Variants in AFG1L observed in about 807,000 individuals in gnomAD.
AFG1L encodes the protein AFG1-like ATPase.
AFG1L carries 53 observed loss-of-function variants against 62.2 expected under a neutral mutation model. That is an observed-to-expected ratio of 0.85 (90% CI 0.68 to 1.07). AFG1L has a LOEUF of 1.07. AFG1L is among the 50% of genes least tolerant of loss of function. The probability of loss-of-function intolerance (pLI) is 0.00; values close to 1 mark genes in which losing one functional copy is unlikely to be tolerated. For synonymous variants in AFG1L, 228 were observed against 210.3 expected (o/e 1.08, Z -0.73); for missense variants, 555 against 590.5 (o/e 0.94, Z 0.62).
intron 7 of AFG1L, among the ~76,000 whole-genome samples, chr6:108,415,941 A>C (rs977726779): frequency 1.6e-4 from 24 of 152,242 alleles, no homozygotes; most frequent in Non-Finnish European, 2.8e-4. Context: ...AAACTTAAAG[A>C]GCTTCTGCAC....
intron 2 of AFG1L, among the ~76,000 whole-genome samples, chr6:108,340,827 G>T (rs977090006): frequency 3.9e-5 from 6 of 152,176 alleles, no homozygotes; most frequent in Non-Finnish European, 8.8e-5. Context: ...AGGAATGGAT[G>T]GGTGCAGACG....
chr6:108,306,975 A>AT (rs1777221655), intron 1 of AFG1L, among the ~76,000 whole-genome samples: 2 of 150,924 alleles, frequency 1.3e-5, no homozygotes, highest in South Asian at 2.1e-4. Context: ...TTGATTTATT[A>AT]TTTTTTCTGT....
At chr6:108,340,320 T>C (rs1778633293) in intron 2 of AFG1L, among the ~76,000 whole-genome samples, 2 of 151,794 alleles carry the variant, frequency 1.3e-5, no homozygotes, top group African/African-American at 4.8e-5. Flanking sequence ...TTATTTGCTG[T>C]TTTTCCTTCC....
intron 1 of AFG1L, among the ~76,000 whole-genome samples, chr6:108,317,464 T>A (rs931734236): frequency 4.6e-5 from 7 of 152,098 alleles, no homozygotes; most frequent in Non-Finnish European, 1.0e-4. Flanking sequence ...GAGTCATGAG[T>A]CCAGGTGGGG....
intron 7 of AFG1L, among the ~76,000 whole-genome samples, chr6:108,408,615 G>T (rs1034630330): frequency 1.3e-5 from 2 of 152,120 alleles, no homozygotes; most frequent in African/African-American, 2.4e-5. Flanking sequence ...CAGCTTGCTT[G>T]CCTGATTTTT....
intron 2 of AFG1L, chr6:108,344,839 A>T (rs1399894156): frequency 2.1e-6 from 1 of 470,158 alleles, no homozygotes; most frequent in African/African-American, 2.0e-5. Context: ...CAAGATGGTT[A>T]TTTGGGTTGA....
Position 108,446,051 on chromosome 6 carries a change from TACACACACACACACACACACAC to T in AFG1L, c.808-1132_808-1111del, listed in dbSNP as rs67384163. Among the ~76,000 whole-genome samples the T allele has an allele frequency of 9.6e-3, 1,369 of 141,876 alleles. 12 individuals carry two copies. Among genetic ancestry groups the T allele is most frequent in the African/African-American group, 0.033 (1,226 of 37,668 alleles). 93.1% of individuals were successfully genotyped at this position (141,876 alleles called of 152,430 possible). Reference sequence around the variant, plus strand: ...AGTATGCCTCTCATCTATGTAGAGATACACACACACACACACACACACACACACACACACACACACACACACA... The same window carrying T: ...AGTATGCCTCTCATCTATGTAGAGATACACACACACACACACACACACACA... On this transcript the variant is annotated intron_variant, in intron 7 of 12. Transcript: ENST00000368977.
intron 1 of AFG1L, among the ~76,000 whole-genome samples, chr6:108,311,489 T>C (rs1562466744): frequency 6.6e-6 from 1 of 152,144 alleles, no homozygotes; most frequent in Admixed American, 6.6e-5. Context: ...CTACCTTTTG[T>C]TTTGTTTTGT....
At chr6:108,351,616 G>A (rs1223735346) in intron 3 of AFG1L, among the ~76,000 whole-genome samples, 2 of 152,178 alleles carry the variant, frequency 1.3e-5, no homozygotes, top group East Asian at 1.9e-4. Context: ...TAGAAGTGGT[G>A]CGTGTAGACA....
intron 6 of AFG1L, among the ~76,000 whole-genome samples, chr6:108,384,624 C>T (rs925231539): frequency 1.3e-5 from 2 of 152,096 alleles, no homozygotes; most frequent in South Asian, 2.1e-4. Flanking sequence ...CAGAGACTAT[C>T]CCCCAATATG....
At chr6:108,495,965 T>A (rs906662707) in intron 10 of AFG1L, among the ~76,000 whole-genome samples, 36 of 152,352 alleles carry the variant, frequency 2.4e-4, no homozygotes, top group African/African-American at 6.5e-4. Flanking sequence ...AGAATCAGCC[T>A]TAGATAATCC....
At chr6:108,439,211 A>G (rs1771437977) in intron 7 of AFG1L, among the ~76,000 whole-genome samples, 1 of 152,220 alleles carries the variant, frequency 6.6e-6, no homozygotes, top group African/African-American at 2.4e-5. Flanking sequence ...AGAGAAGAAA[A>G]TGATAACTTG....
Position 108,366,706 on chromosome 6 carries a change from A to T in AFG1L, c.748+374A>T, listed in dbSNP as rs563399025. 7.9e-5 allele frequency among the ~76,000 whole-genome samples: 12 copies of T among 152,258 alleles called. No individual in the cohort carries two copies. The South Asian group carries it at 2.3e-3, about 29-fold the overall frequency. ...ACTCATAATTAAATTTTAGAAAAAG[A>T]CCGAAAACTTGCTTGCATGAATAGT... On this transcript the variant is annotated intron_variant, in intron 6 of 12. Transcript: ENST00000368977.
rs1231346393 is a variant in AFG1L, at chr6:108,477,022, T to C, written c.961+87T>C. The stretch of plus-strand genomic sequence containing the variant: ...GACCAATTAATAAGTTCCATTGCTG[T>C]ATATGGGTTGATGCCACGCTCAAGT... On this transcript the variant is annotated intron_variant, in intron 9 of 12. Transcript: ENST00000368977. 1.4e-5 allele frequency: 17 copies of C among 1,235,614 alleles called. No individual in the cohort carries two copies. The East Asian group carries it at 3.5e-4, about 25-fold the overall frequency. 76.5% of individuals were successfully genotyped at this position (1,235,614 alleles called of 1,614,324 possible).
At chr6:108,506,376 T>C (rs1395682582) in intron 10 of AFG1L, among the ~76,000 whole-genome samples, 1 of 152,150 alleles carries the variant, frequency 6.6e-6, no homozygotes, top group East Asian at 1.9e-4. Flanking sequence ...CCTGGCTAAC[T>C]TTGTGTATCT....
intron 6 of AFG1L, among the ~76,000 whole-genome samples, chr6:108,401,624 G>T (rs941104677): frequency 1.3e-5 from 2 of 152,030 alleles, no homozygotes; most frequent in Admixed American, 6.6e-5. Flanking sequence ...GAAAAGGAGA[G>T]AATTTTTTTT....
At chr6:108,459,826 G>A (rs1772384373) in intron 8 of AFG1L, among the ~76,000 whole-genome samples, 1 of 151,982 alleles carries the variant, frequency 6.6e-6, no homozygotes, top group Admixed American at 6.5e-5. Flanking sequence ...TCCATTTACA[G>A]GAAATATAGG....
At chr6:108,506,317 C>T (rs1774419541) in intron 10 of AFG1L, among the ~76,000 whole-genome samples, 1 of 152,198 alleles carries the variant, frequency 6.6e-6, no homozygotes, top group South Asian at 2.1e-4. Context: ...AAACGATCCT[C>T]CTACCTCAGC....
At chr6:108,451,647 A>G (rs947127497) in intron 8 of AFG1L, among the ~76,000 whole-genome samples, 3 of 152,144 alleles carry the variant, frequency 2.0e-5, no homozygotes, top group African/African-American at 7.2e-5. Flanking sequence ...ATGCTTGTCC[A>G]GTTTTTTATT....
Sources: allele counts gnomAD v4.1 joint callset (sites outside exome capture counted in the v4.1 genomes callset), GRCh38; gene constraint gnomAD v4.1.1; transcripts MANE v1.5; gene names NCBI Gene and HGNC (gene_info 2026-07-23, HGNC 2026-07-21).